The following BDNF variants were observed in gnomAD, a reference collection of about 807,000 sequenced individuals.
BDNF encodes the protein neurotrophic factor BDNF precursor form.
Under a neutral mutation model 19.5 loss-of-function variants are expected in BDNF, and 1 was observed. The observed-to-expected ratio is 0.05, with a 90% CI of 0.02 to 0.24. The LOEUF is 0.24. BDNF is among the 10% of genes least tolerant of loss of function. The pLI is 1.00. For synonymous variants in BDNF, 100 were observed against 121.6 expected, an observed-to-expected ratio of 0.82 and a Z score of 1.17; for missense variants, 195 against 317.6, an observed-to-expected ratio of 0.61 and a Z score of 2.93.
At chr11:27,714,534 A>C (rs574796548) in intron 1 of BDNF, among the ~76,000 whole-genome samples, 1 of 152,184 alleles carries the variant, frequency 6.6e-6, no homozygotes, top group Non-Finnish European at 1.5e-5. Context: ...CATTCTCTAA[A>C]TTAAAACTTT....
chr11:27,659,577 C>T, intron 1 of BDNF: 2 of 1,000,334 alleles, frequency 2.0e-6, no homozygotes, highest in Non-Finnish European at 2.4e-6. Flanking sequence ...CTGGCTAATA[C>T]ACACATCTAG....
chr11:27,698,688 A>G (rs1859486193), intron 1 of BDNF, among the ~76,000 whole-genome samples: 1 of 152,152 alleles, frequency 6.6e-6, no homozygotes, highest in Non-Finnish European at 1.5e-5. Flanking sequence ...CAGTTAGAAA[A>G]TCAACGTTCC....
intron 1 of BDNF, chr11:27,697,878 C>A (rs1291315622): frequency 1.3e-5 from 2 of 152,150 alleles, no homozygotes; most frequent in African/African-American, 4.8e-5. Context: ...CTAAGAGTGT[C>A]TGCAATGTTC....
chr11:27,681,612 C>A (rs1856835982), intron 1 of BDNF, among the ~76,000 whole-genome samples: 1 of 152,058 alleles, frequency 6.6e-6, no homozygotes, highest in Admixed American at 6.6e-5. Flanking sequence ...ACATGAGACT[C>A]AGAGAATTAC....
chr11:27,715,161 G>T (rs1860465844), intron 1 of BDNF, among the ~76,000 whole-genome samples: 1 of 152,162 alleles, frequency 6.6e-6, no homozygotes, highest in South Asian at 2.1e-4. Flanking sequence ...AGTCTCTATA[G>T]AAAGTATACC....
Position 27,699,387 on chromosome 11 carries a change from C to A in BDNF, c.-22+777G>T, listed in dbSNP as rs770993324. 2.5e-6 allele frequency: 4 copies of A among 1,614,050 alleles called. No individual in the cohort carries two copies. The African/African-American group carries it at 5.3e-5, about 22-fold the overall frequency. Reference sequence around the variant, plus strand: ...TCCAGGAGTAACTCACTCACCCATTCCTCTTCCCGGCTCTGCATCCCCAGA... The same window carrying A: ...TCCAGGAGTAACTCACTCACCCATTACTCTTCCCGGCTCTGCATCCCCAGA... On this transcript the variant is annotated intron_variant, in intron 1 of 1. Coordinates refer to ENST00000356660, the MANE Select transcript of BDNF (RefSeq NM_001709.5).
chr11:27,719,599 G>C, intron 1 of BDNF: 2 of 984,828 alleles, frequency 2.0e-6, no homozygotes, highest in Non-Finnish European at 2.4e-6. Context: ...AACCCTCTAA[G>C]CCAGCGCCCG....
chr11:27,697,156 C>G (rs1420180259), intron 1 of BDNF, among the ~76,000 whole-genome samples: 15 of 69,336 alleles, frequency 2.2e-4, no homozygotes, highest in Admixed American at 8.1e-4. Context: ...CACACACACA[C>G]ACACACACAG....
chr11:27,679,283 A>T (rs1856569523), intron 1 of BDNF, among the ~76,000 whole-genome samples: 1 of 152,184 alleles, frequency 6.6e-6, no homozygotes, highest in Non-Finnish European at 1.5e-5. Flanking sequence ...TTCCATATAG[A>T]AATTTCTCTA....
In BDNF at chr11:27,674,177, G is replaced by A. The variant is rs144776617; in HGVS notation, c.-21-15592C>T. The A allele has an allele frequency of 8.7e-6, 14 of 1,608,676 alleles. No individual in the cohort carries two copies. The East Asian group carries it at 2.0e-4, about 23-fold the overall frequency. ...GCCATACAGAAGCGTGTGGGTAGAC[G>A]CCAAAACATGTGTGGACCTGCAACC... On this transcript the variant is annotated intron_variant, in intron 1 of 1. Transcript: ENST00000356660.
chr11:27,689,739 T>C (rs1001684677), intron 1 of BDNF, among the ~76,000 whole-genome samples: 3 of 152,236 alleles, frequency 2.0e-5, no homozygotes, highest in Non-Finnish European at 4.4e-5. Context: ...CCGGGATACA[T>C]GTGCAGAATG....
At chr11:27,707,328 A>T (rs1182978768) in intron 1 of BDNF, among the ~76,000 whole-genome samples, 1 of 152,246 alleles carries the variant, frequency 6.6e-6, no homozygotes, top group African/African-American at 2.4e-5. Flanking sequence ...TCATGGGATC[A>T]GCAGAAATAT....
intron 1 of BDNF, among the ~76,000 whole-genome samples, chr11:27,710,242 A>G (rs1376584503): frequency 6.6e-6 from 1 of 152,192 alleles, no homozygotes; most frequent in Non-Finnish European, 1.5e-5. Context: ...CTCTGCAAAG[A>G]CCACTGACTT....
chr11:27,657,550 A>C lies in BDNF; in HGVS notation c.*271T>G. The C allele has an allele frequency of 8.3e-7, 1 of 1,197,804 alleles. No homozygotes were observed. Among genetic ancestry groups the C allele is most frequent in the Non-Finnish European group, 1.0e-6 (1 of 963,224 alleles). 74.2% of individuals were successfully genotyped at this position (1,197,804 alleles called of 1,614,324 possible). On this transcript the variant is annotated 3_prime_UTR_variant, in exon 2 of 2. Transcript: ENST00000356660. The surrounding 1 kb of genome is among the most constrained non-coding windows in gnomAD (Gnocchi z 5.0). ...AATTTATTATTTTTTTTAACTTTTTATGTTTTCAGTTCTTGGCAACGGCAA... is the reference window on the plus strand; with the variant it reads ...AATTTATTATTTTTTTTAACTTTTTCTGTTTTCAGTTCTTGGCAACGGCAA...
intron 1 of BDNF, among the ~76,000 whole-genome samples, chr11:27,678,632 G>A (rs1856481511): frequency 6.6e-6 from 1 of 152,178 alleles, no homozygotes; most frequent in Non-Finnish European, 1.5e-5. Flanking sequence ...ATGGCTCTTA[G>A]TCCTTGTGAA....
intron 1 of BDNF, among the ~76,000 whole-genome samples, chr11:27,669,251 A>G (rs1348654450): frequency 2.6e-5 from 4 of 152,194 alleles, no homozygotes; most frequent in South Asian, 4.1e-4. Flanking sequence ...TTGATGGGAC[A>G]TATCTCAAAA....
chr11:27,658,953 A>C lies in BDNF; in HGVS notation c.-21-368T>G. 8.9e-7 allele frequency: 1 copy of C among 1,126,018 alleles called. No homozygotes were observed. The highest frequency in any genetic ancestry group is 1.1e-6 in the Non-Finnish European group (1 of 907,148). The allele number at this position is 1,126,018 out of a possible 1,614,324, so 69.8% of individuals were successfully genotyped here. A position where few individuals can be genotyped will look rare whatever the true frequency, so the allele number is the denominator to read the frequency against. On this transcript the variant is annotated intron_variant, in intron 1 of 1. Coordinates refer to ENST00000356660, the MANE Select transcript of BDNF (RefSeq NM_001709.5). This position sits in a 1 kb window ranked among gnomAD's most constrained non-coding sequence, Gnocchi z 5.7. ...TGTCACGAGAAACACAAAATCATAAATGTTACTAAGCAACAACTGCAAGTG... is the reference window on the plus strand; with the variant it reads ...TGTCACGAGAAACACAAAATCATAACTGTTACTAAGCAACAACTGCAAGTG...
At chr11:27,670,513 G>T (rs1411041324) in intron 1 of BDNF, among the ~76,000 whole-genome samples, 1 of 152,170 alleles carries the variant, frequency 6.6e-6, no homozygotes. Context: ...CTACCCATCT[G>T]ACAAAGGGCT....
intron 1 of BDNF, among the ~76,000 whole-genome samples, chr11:27,672,687 C>T (rs138146015): frequency 2.6e-5 from 4 of 152,226 alleles, no homozygotes; most frequent in East Asian, 1.9e-4. Flanking sequence ...CTCTCTTCTT[C>T]GATAAAGTTC....
Sources: gnomAD v4.1 joint callset for allele counts (sites outside exome capture counted in the v4.1 genomes callset) on GRCh38, gnomAD v4.1.1 for gene constraint, Gnocchi (gnomAD v3.1) non-coding constraint, MANE v1.5 for transcripts, NCBI Gene and HGNC (gene_info 2026-07-23, HGNC 2026-07-21) for gene names.